Variants in HERC2 observed in about 807,000 individuals in gnomAD.
HERC2 encodes HECT and RLD domain containing E3 ubiquitin protein ligase 2.
A neutral mutation model predicts 537.7 loss-of-function variants in HERC2; 102 were observed. That is an observed-to-expected ratio of 0.19 (90% CI 0.16 to 0.22). The LOEUF is 0.22. Ranked by LOEUF, HERC2 falls within the 10% of genes least tolerant of loss-of-function variation. The probability of loss-of-function intolerance (pLI) is 1.00; values close to 1 mark genes in which losing one functional copy is unlikely to be tolerated. For synonymous variants in HERC2, 2,224 were observed against 2,466.2 expected (o/e 0.90, Z 2.91); for missense variants, 4,236 against 6,198.2 (o/e 0.68, Z 10.63).
At chr15:28,173,728 A>G (rs1894921900) in intron 65 of HERC2, among the ~76,000 whole-genome samples, 1 of 149,860 alleles carries the variant, frequency 6.7e-6, no homozygotes. Context: ...ACTTGAGCCC[A>G]GGAGGTGGAA....
rs757156736 is a variant in HERC2 at position 28,214,113 on chromosome 15, G to A, written c.6518C>T (p.Ser2173Phe). 2 of 1,614,096 alleles carry A rather than the reference G, an allele frequency of 1.2e-6. No homozygotes were observed. The highest frequency in any genetic ancestry group is 2.7e-5 in the African/African-American group (2 of 74,952). The change falls in exon 41 of 93, where the codon TCC becomes TTC. Residue 2173 changes from serine (S) to phenylalanine (F), a missense_variant. Physicochemically the swap from Ser to Phe is radical, Grantham distance 155. Transcript: ENST00000261609. ...CCTTCCCACAAAGCTGTGGGTGATG[G>A]AGCGGAGCTGGGAGTTGATGTACTT... is the stretch of plus-strand genomic sequence containing the variant. ...INKYINSQLRSITHSFVGRPS... is the reference protein window; with the variant it reads ...INKYINSQLRFITHSFVGRPS...
chr15:28,149,034 G>C (rs1478557432), intron 70 of HERC2, among the ~76,000 whole-genome samples: 1 of 137,940 alleles, frequency 7.2e-6, no homozygotes, highest in Non-Finnish European at 1.6e-5. Context: ...CCGCACAAAC[G>C]TACATTCTAG....
In HERC2 at chr15:28,177,530, CG is replaced by C. The variant is rs1193612483; in HGVS notation, c.9164-22del. 6.2e-6 allele frequency: 10 copies of C among 1,612,400 alleles called. No homozygotes were observed. Among genetic ancestry groups the C allele is most frequent in the Middle Eastern group, 3.3e-4 (2 of 6,082 alleles). On this transcript the variant is annotated intron_variant, in intron 59 of 92. Coordinates refer to ENST00000261609, the MANE Select transcript of HERC2 (RefSeq NM_004667.6). The surrounding 1 kb of genome is among the most constrained non-coding windows in gnomAD (Gnocchi z 5.0). ...GCCACCTGCAACATTCACAGACACACGGATTGCCAAAGGGCAGGGAACAGAA... is the reference window on the plus strand; with the variant it reads ...GCCACCTGCAACATTCACAGACACACGATTGCCAAAGGGCAGGGAACAGAA...
Position 28,265,273 on chromosome 15 carries a change from A to G in HERC2, c.1870+345T>C, listed in dbSNP as rs559431345. Among the ~76,000 whole-genome samples the G allele has an allele frequency of 1.6e-4, 25 of 152,298 alleles. No individual in the cohort carries two copies. The highest frequency in any genetic ancestry group is 6.0e-4 in the African/African-American group (25 of 41,564). On this transcript the variant is annotated intron_variant, in intron 14 of 92. Coordinates refer to ENST00000261609, the MANE Select transcript of HERC2 (RefSeq NM_004667.6). This position sits in a 1 kb window ranked among gnomAD's most constrained non-coding sequence, Gnocchi z 4.0. Reference sequence around the variant, plus strand: ...GCATCAGACTACAGAACACAGAAAGACTTAGCAGGAATTACCACAGGGAAT... The same window carrying G: ...GCATCAGACTACAGAACACAGAAAGGCTTAGCAGGAATTACCACAGGGAAT...
Position 28,305,739 on chromosome 15 carries a change from G to A in HERC2, c.73-6223C>T, listed in dbSNP as rs532945314. On this transcript the variant is annotated intron_variant, in intron 2 of 92. Coordinates refer to ENST00000261609, the MANE Select transcript of HERC2 (RefSeq NM_004667.6). ...AAGAAACTACCATCAGAGTGAACAG[G>A]CAACCTACAACATGGGAGAAAATTT... 3.0e-3 allele frequency among the ~76,000 whole-genome samples: 418 copies of A among 139,620 alleles called. 2 individuals carry two copies. Among genetic ancestry groups the A allele is most frequent in the African/African-American group, 0.011 (397 of 37,724 alleles). The allele number at this position is 139,620 out of a possible 152,430, so 91.6% of individuals were successfully genotyped here.
intron 2 of HERC2, among the ~76,000 whole-genome samples, chr15:28,313,301 C>T (rs1229072478): frequency 6.6e-6 from 1 of 152,002 alleles, no homozygotes; most frequent in Non-Finnish European, 1.5e-5. Context: ...CCTCAGCCTC[C>T]CGAGTAGCTG....
rs1210639737 is a variant in HERC2 at position 28,272,334 on chromosome 15, G to C, written c.964C>G (p.Gln322Glu). ...LLLQLWDSGA[Q>E]ETDNERSAQG... ...GCGGAACGCTCATTGTCAGTCTCCT[G>C]TGCCCCGCTGTCCCACAGCTGAAGC... The change falls in exon 9 of 93, where the codon CAG (glutamine) becomes GAG (glutamate). Residue 322 changes from glutamine to glutamate, a missense_variant. By Grantham distance (29) the Gln-to-Glu change is conservative (BLOSUM62 2). Transcript: ENST00000261609. The C allele has an allele frequency of 2.5e-6, 4 of 1,612,218 alleles. No homozygotes were observed. The highest frequency in any genetic ancestry group is 3.4e-6 in the Non-Finnish European group (4 of 1,179,088).
chr15:28,294,234 G>A (rs928425827), intron 3 of HERC2, among the ~76,000 whole-genome samples: 1 of 152,052 alleles, frequency 6.6e-6, no homozygotes, highest in Non-Finnish European at 1.5e-5. Context: ...AATAACAGGA[G>A]AGAAAAGGTG....
intron 69 of HERC2, among the ~76,000 whole-genome samples, chr15:28,161,167 G>A (rs559188509): frequency 1.3e-5 from 2 of 152,272 alleles, no homozygotes; most frequent in South Asian, 4.2e-4. Flanking sequence ...TCGTTTTGGT[G>A]ATCATGTAAG....
intron 23 of HERC2, 99 bp downstream of exon 23, chr15:28,245,782 A>C: frequency 8.8e-7 from 1 of 1,135,618 alleles, no homozygotes; most frequent in Non-Finnish European, 1.3e-6. Flanking sequence ...GAAATGGCAA[A>C]TCTTCCTTTG....
chr15:28,199,896 A>G (rs1384281688), intron 48 of HERC2, among the ~76,000 whole-genome samples: 1 of 152,194 alleles, frequency 6.6e-6, no homozygotes, highest in Non-Finnish European at 1.5e-5. Flanking sequence ...TTTGGAGGAC[A>G]TGGTTTCAGC....
chr15:28,250,304 C>G (rs947221142), intron 20 of HERC2, among the ~76,000 whole-genome samples: 1 of 152,130 alleles, frequency 6.6e-6, no homozygotes, highest in Non-Finnish European at 1.5e-5. Flanking sequence ...GGCAAGGATG[C>G]GCCCTCACTG....
At chr15:28,221,766 A>G (rs1423857953) in intron 36 of HERC2, among the ~76,000 whole-genome samples, 2 of 150,588 alleles carry the variant, frequency 1.3e-5, no homozygotes, top group Admixed American at 6.6e-5. Context: ...CTCTTGTTCC[A>G]GTGACCCATC....
chr15:28,312,047 G>A (rs1362406791), intron 2 of HERC2, among the ~76,000 whole-genome samples: 8 of 152,196 alleles, frequency 5.3e-5, no homozygotes, highest in Non-Finnish European at 1.2e-4. Flanking sequence ...ATTCTTTTTT[G>A]GAAGGTAGAC....
At chr15:28,184,815 T>C (rs1359790175) in intron 56 of HERC2, among the ~76,000 whole-genome samples, 5 of 151,302 alleles carry the variant, frequency 3.3e-5, no homozygotes, top group East Asian at 2.0e-4. Context: ...TGAGCCGAGA[T>C]TGCACCACTG....
rs753803641 is a variant in HERC2, at chr15:28,218,502, C to G, written c.6015G>C (p.Thr2005=). ...GLLRMLVESG[T]TDKTSSPNRL... ...CTCATTCCATACATGTCTTGTCCGTCGTTCCGCTTTCCACTAACATTCGCA... is the reference window on the plus strand; with the variant it reads ...CTCATTCCATACATGTCTTGTCCGTGGTTCCGCTTTCCACTAACATTCGCA... The change falls in exon 38 of 93, where the codon ACG becomes ACC. Residue 2005 remains threonine (T), a synonymous_variant. Transcript: ENST00000261609. The G allele has an allele frequency of 3.1e-6, 5 of 1,595,470 alleles. No homozygotes were observed. Among genetic ancestry groups the G allele is most frequent in the Middle Eastern group, 2.1e-4 (1 of 4,752 alleles).
intron 3 of HERC2, among the ~76,000 whole-genome samples, chr15:28,296,662 A>G (rs1042390405): frequency 6.7e-6 from 1 of 149,184 alleles, no homozygotes; most frequent in Non-Finnish European, 1.5e-5. Flanking sequence ...AAACTTTTTA[A>G]AATATACAGA....
intron 2 of HERC2, among the ~76,000 whole-genome samples, chr15:28,317,971 C>T (rs207475351): frequency 1.1e-4 from 17 of 152,162 alleles, no homozygotes; most frequent in South Asian, 1.0e-3. Flanking sequence ...TAAAAAAGAA[C>T]ACAAAAATAG....
chr15:28,148,808 C>T (rs992468228), intron 70 of HERC2, among the ~76,000 whole-genome samples: 3 of 152,080 alleles, frequency 2.0e-5, no homozygotes, highest in Admixed American at 6.5e-5. Context: ...GCCACACGAA[C>T]GTACATTCTA....
Sources: allele counts gnomAD v4.1 joint callset (sites outside exome capture counted in the v4.1 genomes callset), GRCh38; gene constraint gnomAD v4.1.1; non-coding constraint Gnocchi (gnomAD v3.1); transcripts MANE v1.5; gene names NCBI Gene and HGNC (gene_info 2026-07-23, HGNC 2026-07-21).